ME2: variants seen among roughly 807,000 people sequenced by gnomAD.
The protein encoded by ME2 is malic enzyme 2, also known as NAD-dependent malic enzyme, mitochondrial.
In ME2, 60 loss-of-function variants were observed where a neutral mutation model predicts 73.7. The observed-to-expected ratio is 0.81, with a 90% CI of 0.66 to 1.01. ME2 has a LOEUF of 1.01. ME2 is among the 50% of genes least tolerant of loss of function. ME2 has a pLI of 0.00. For missense variants in ME2, 594 were observed against 705.5 expected, an observed-to-expected ratio of 0.84 and a Z score of 1.79; for synonymous variants, 199 against 236.9, an observed-to-expected ratio of 0.84 and a Z score of 1.47.
chr18:50,927,500 A>T (rs1871941061), intron 12 of ME2, among the ~76,000 whole-genome samples: 1 of 151,822 alleles, frequency 6.6e-6, no homozygotes, highest in African/African-American at 2.4e-5. Context: ...GGAGATCGAG[A>T]CCATCCTGGC....
chr18:50,902,149 G>A (rs1916906075), intron 2 of ME2, among the ~76,000 whole-genome samples: 1 of 152,110 alleles, frequency 6.6e-6, no homozygotes, highest in African/African-American at 2.4e-5. Flanking sequence ...AATTCGAGAA[G>A]GAGTGTTAAA....
chr18:50,894,236 G>A (rs944428071), intron 1 of ME2, among the ~76,000 whole-genome samples: 1 of 152,200 alleles, frequency 6.6e-6, no homozygotes, highest in East Asian at 1.9e-4. Context: ...GTGTTTCAGT[G>A]TCCAGGAATA....
chr18:50,906,153 A>G (rs116294834), intron 2 of ME2, among the ~76,000 whole-genome samples: 34 of 152,166 alleles, frequency 2.2e-4, no homozygotes, highest in African/African-American at 8.0e-4. Context: ...TAAAGTCTTT[A>G]TCTAGTAAGT....
intron 1 of ME2, among the ~76,000 whole-genome samples, chr18:50,890,267 A>G (rs1916573568): frequency 6.6e-6 from 1 of 151,848 alleles, no homozygotes; most frequent in South Asian, 2.1e-4. Context: ...TCAATATATT[A>G]TTATTATTTT....
intron 2 of ME2, among the ~76,000 whole-genome samples, chr18:50,898,820 T>A (rs1916815242): frequency 6.6e-6 from 1 of 152,248 alleles, no homozygotes; most frequent in Admixed American, 6.5e-5. Flanking sequence ...TACCATTTAC[T>A]AGCCATGAAA....
chr18:50,907,997 T>G, intron 2 of ME2, 66 bp from the exon 3 acceptor site: 1 of 1,177,972 alleles, frequency 8.5e-7, no homozygotes, highest in Non-Finnish European at 1.2e-6. Context: ...AATTATATTT[T>G]GAAGAACAAT....
chr18:50,908,532 T>C (rs1277873197), intron 3 of ME2, among the ~76,000 whole-genome samples: 2 of 152,222 alleles, frequency 1.3e-5, no homozygotes, highest in African/African-American at 4.8e-5. Flanking sequence ...TACCAGCCAC[T>C]GAGGCTATAA....
rs751796387 is a variant in ME2, at chr18:50,918,105, T to C, written c.631-5T>C. On this transcript the variant is annotated splice_polypyrimidine_tract_variant and splice_region_variant and intron_variant, in intron 6 of 15. Coordinates refer to ENST00000321341, the MANE Select transcript of ME2 (RefSeq NM_002396.5). Reference sequence around the variant, plus strand: ...TTTTATTTTTACATTTGGTTTATTTTGTAGGCACTCTTAAAAGACCCATTT... The same window carrying C: ...TTTTATTTTTACATTTGGTTTATTTCGTAGGCACTCTTAAAAGACCCATTT... 3 of 1,554,598 alleles carry C rather than the reference T, an allele frequency of 1.9e-6. No homozygotes were observed. Among genetic ancestry groups the C allele is most frequent in the Non-Finnish European group, 1.7e-6 (2 of 1,143,494 alleles).
intron 13 of ME2, chr18:50,939,140 G>GA (rs56350434): frequency 0.52 from 61,557 of 118,142 alleles, 14,737 homozygotes; most frequent in South Asian, 0.67. Flanking sequence ...AAAAAAAAAA[G>GA]AAAAAAAAAA....
chr18:50,897,099 A>C (rs1344214493), intron 2 of ME2, among the ~76,000 whole-genome samples: 2 of 152,158 alleles, frequency 1.3e-5, no homozygotes, highest in Non-Finnish European at 2.9e-5. Flanking sequence ...TCCTGTGGCA[A>C]GTAATCAATA....
At chr18:50,915,685 TAAGTA>T (rs1917268587) in intron 4 of ME2, 1 of 152,244 alleles carries the variant, frequency 6.6e-6, no homozygotes, top group Non-Finnish European at 1.5e-5. Context: ...TAATATTAAA[TAAGTA>T]AAAGTAACTT....
At chr18:50,891,590 A>G (rs1272147513) in intron 1 of ME2, among the ~76,000 whole-genome samples, 2 of 152,116 alleles carry the variant, frequency 1.3e-5, no homozygotes, top group Non-Finnish European at 2.9e-5. Flanking sequence ...AATACCATAG[A>G]CATGAGTGGA....
intron 1 of ME2, among the ~76,000 whole-genome samples, chr18:50,882,245 C>T (rs1384401555): frequency 1.3e-5 from 2 of 152,158 alleles, no homozygotes; most frequent in African/African-American, 4.8e-5. Flanking sequence ...GCAACCCACC[C>T]ACCTTGGCCT....
intron 10 of ME2, among the ~76,000 whole-genome samples, chr18:50,922,918 G>A (rs555903805): frequency 3.3e-4 from 50 of 152,244 alleles, no homozygotes; most frequent in African/African-American, 1.0e-3. Flanking sequence ...GAGTTCTGAT[G>A]GAAATACACT....
At position 50,947,061 on chromosome 18, in the gene ME2, AG is replaced by A; in HGVS notation, c.1633del (p.Glu545AsnfsTer37). ...CTAATAAAATGGCTTTCCGATACCCAGAACCTGAAGACAAGGCCAAATATGT... is the reference window on the plus strand; with the variant it reads ...CTAATAAAATGGCTTTCCGATACCCAAACCTGAAGACAAGGCCAAATATGT... The part of the protein sequence containing the change: ...YANKMAFRYP[E>X]PEDKAKYVKE... On this transcript the variant is annotated frameshift_variant, in exon 16 of 16. Coordinates refer to ENST00000321341, the MANE Select transcript of ME2 (RefSeq NM_002396.5). LOFTEE classifies it high-confidence loss of function. The A allele has an allele frequency of 6.2e-7, 1 of 1,613,956 alleles. No individual in the cohort carries two copies. The highest frequency in any genetic ancestry group is 1.1e-5 in the South Asian group (1 of 91,072).
intron 4 of ME2, chr18:50,915,935 G>A (rs2144229785): frequency 5.5e-6 from 2 of 364,740 alleles, no homozygotes; most frequent in South Asian, 5.4e-5. Context: ...TTCTTCTTGG[G>A]TAAAATGACT....
At chr18:50,898,479 G>A (rs1916806546) in intron 2 of ME2, among the ~76,000 whole-genome samples, 2 of 152,066 alleles carry the variant, frequency 1.3e-5, no homozygotes, top group African/African-American at 4.8e-5. Flanking sequence ...TGCCCAGGCT[G>A]GAGTGCAATG....
chr18:50,937,588 A>G (rs1015275774), intron 13 of ME2, among the ~76,000 whole-genome samples: 1 of 152,112 alleles, frequency 6.6e-6, no homozygotes, highest in African/African-American at 2.4e-5. Context: ...CATCTTGGGG[A>G]AAAAAACAAG....
intron 12 of ME2, among the ~76,000 whole-genome samples, chr18:50,927,997 T>C (rs1277431437): frequency 6.6e-6 from 1 of 151,068 alleles, no homozygotes; most frequent in Non-Finnish European, 1.5e-5. Flanking sequence ...AATTTTTATT[T>C]TTGTAGAGAC....
Sources: gnomAD v4.1 joint callset for allele counts (sites outside exome capture counted in the v4.1 genomes callset) on GRCh38, gnomAD v4.1.1 for gene constraint, MANE v1.5 for transcripts, NCBI Gene and HGNC (gene_info 2026-07-23, HGNC 2026-07-21) for gene names.